RASGRF2: variants seen among roughly 807,000 people sequenced by gnomAD.
RASGRF2 encodes ras-specific guanine nucleotide-releasing factor 2.
RASGRF2 carries 76 observed loss-of-function variants against 151.0 expected under a neutral mutation model. The ratio of observed to expected loss-of-function variants is 0.50; its 90% CI spans 0.42 to 0.61. The LOEUF (loss-of-function observed/expected upper bound fraction) is 0.61, where lower values mean the gene tolerates loss of function less well. RASGRF2 is among the 20% of genes least tolerant of loss of function. The probability of loss-of-function intolerance (pLI) is 0.00; values close to 1 mark genes in which losing one functional copy is unlikely to be tolerated. For synonymous variants in RASGRF2, 504 were observed against 566.5 expected (o/e 0.89, Z 1.57); for missense variants, 1,148 against 1,564.6 (o/e 0.73, Z 4.49).
intron 1 of RASGRF2, among the ~76,000 whole-genome samples, chr5:81,018,095 C>T (rs368945006): frequency 1.1e-4 from 16 of 150,040 alleles, no homozygotes; most frequent in African/African-American, 3.4e-4. Flanking sequence ...GATGACAGAG[C>T]GAGACTGTCT....
intron 18 of RASGRF2, among the ~76,000 whole-genome samples, chr5:81,185,020 T>C (rs894069197): frequency 6.6e-6 from 1 of 152,172 alleles, no homozygotes; most frequent in Non-Finnish European, 1.5e-5. Context: ...GTAAAATAGG[T>C]AGCAGCAACA....
chr5:80,995,725 G>A (rs1300659887), intron 1 of RASGRF2, among the ~76,000 whole-genome samples: 1 of 112,140 alleles, frequency 8.9e-6, no homozygotes, highest in Non-Finnish European at 1.7e-5. Flanking sequence ...TGGAGTCTCC[G>A]TCTGTCGCCC....
chr5:81,031,785 A>G (rs1340122816), intron 1 of RASGRF2, among the ~76,000 whole-genome samples: 1 of 152,058 alleles, frequency 6.6e-6, no homozygotes, highest in African/African-American at 2.4e-5. Context: ...CAGAAGGCAA[A>G]AAATAACTAA....
intron 1 of RASGRF2, among the ~76,000 whole-genome samples, chr5:80,991,770 C>A (rs1055414863): frequency 1.3e-5 from 2 of 152,144 alleles, no homozygotes; most frequent in South Asian, 4.1e-4. Flanking sequence ...AGTTATGTAG[C>A]CATGTTCAAA....
intron 16 of RASGRF2, among the ~76,000 whole-genome samples, chr5:81,124,967 A>G (rs759273248): frequency 6.6e-6 from 1 of 151,984 alleles, no homozygotes; most frequent in Non-Finnish European, 1.5e-5. Context: ...GGCTCAGTGC[A>G]ACCTCCACCT....
At chr5:81,064,269 T>C (rs1751530314) in intron 2 of RASGRF2, among the ~76,000 whole-genome samples, 1 of 152,226 alleles carries the variant, frequency 6.6e-6, no homozygotes, top group Non-Finnish European at 1.5e-5. Flanking sequence ...GTGTCTACTT[T>C]ATTCATGGGC....
At chr5:80,970,004 T>C (rs1227229306) in intron 1 of RASGRF2, among the ~76,000 whole-genome samples, 4 of 151,744 alleles carry the variant, frequency 2.6e-5, no homozygotes, top group Non-Finnish European at 4.4e-5. Context: ...TTTGTATTTT[T>C]AGTAGAGACA....
At chr5:81,200,561 G>A (rs1029078701) in intron 18 of RASGRF2, among the ~76,000 whole-genome samples, 5 of 152,164 alleles carry the variant, frequency 3.3e-5, no homozygotes, top group Non-Finnish European at 5.9e-5. Context: ...GATAGCCTTA[G>A]CATATTTTCA....
chr5:80,998,528 A>T (rs1748971559), intron 1 of RASGRF2, among the ~76,000 whole-genome samples: 1 of 152,228 alleles, frequency 6.6e-6, no homozygotes, highest in Non-Finnish European at 1.5e-5. Flanking sequence ...TATCTTTAAG[A>T]AATGAGTTTA....
chr5:80,961,871 A>G (rs954320819), intron 1 of RASGRF2, among the ~76,000 whole-genome samples: 2 of 152,174 alleles, frequency 1.3e-5, no homozygotes, highest in African/African-American at 4.8e-5. Context: ...TATGTTTCCA[A>G]TCACCGTTTG....
intron 22 of RASGRF2, among the ~76,000 whole-genome samples, chr5:81,210,331 C>T (rs993482423): frequency 3.9e-5 from 6 of 152,368 alleles, no homozygotes; most frequent in Non-Finnish European, 5.9e-5. Flanking sequence ...GTCGCTCCCG[C>T]GCACAGCTGT....
chr5:81,034,500 G>A (rs1430949792), intron 1 of RASGRF2, among the ~76,000 whole-genome samples: 12 of 151,938 alleles, frequency 7.9e-5, no homozygotes, highest in East Asian at 1.9e-4. Flanking sequence ...ACATGCACAC[G>A]TATGTTTATT....
chr5:80,961,157 C>T, intron 1 of RASGRF2, 131 bp downstream of exon 1: 4 of 1,063,542 alleles, frequency 3.8e-6, no homozygotes, highest in Non-Finnish European at 5.1e-6. Context: ...CCCCGCGTCA[C>T]CAGTGGCGGG....
Position 81,101,354 on chromosome 5 carries a change from C to CT in RASGRF2, c.1755+6372dup, listed in dbSNP as rs371070338. ...ATATACCAATTCTATTATAGTTTAA[C>CT]TTTTTTTTTTAGAACAGAACTCTTT... On this transcript the variant is annotated intron_variant, in intron 12 of 26. Transcript: ENST00000265080. Among the ~76,000 whole-genome samples the CT allele has an allele frequency of 1.0e-3, 156 of 149,178 alleles. 1 individual carries two copies. The East Asian group carries it at 0.025, about 24-fold the overall frequency.
chr5:80,976,059 G>A lies in RASGRF2; in HGVS notation c.288+15033G>A, dbSNP rs1228330961. 2.0e-5 allele frequency among the ~76,000 whole-genome samples: 3 copies of A among 152,050 alleles called. No homozygotes were observed. In the South Asian group the frequency reaches 6.2e-4, roughly 32 times the overall value. ...GGGTTTCTCCATGTTGGTCAGGCTG[G>A]TCTCAAACTCCTGACCTCAGGTGAT... On this transcript the variant is annotated intron_variant, in intron 1 of 26. Transcript: ENST00000265080.
intron 18 of RASGRF2, among the ~76,000 whole-genome samples, chr5:81,199,097 T>A (rs1356990018): frequency 1.3e-5 from 2 of 152,214 alleles, no homozygotes; most frequent in Non-Finnish European, 2.9e-5. Context: ...AATTTCAGAT[T>A]GGCAGAATGC....
intron 17 of RASGRF2, among the ~76,000 whole-genome samples, chr5:81,144,875 A>G (rs1753967690): frequency 1.3e-5 from 2 of 152,060 alleles, no homozygotes; most frequent in African/African-American, 2.4e-5. Flanking sequence ...TCTTCTAACC[A>G]CCACCCTACT....
chr5:81,038,041 C>T (rs560968213), intron 1 of RASGRF2, among the ~76,000 whole-genome samples: 7 of 152,278 alleles, frequency 4.6e-5, no homozygotes, highest in African/African-American at 1.7e-4. Flanking sequence ...TATGCTGTTC[C>T]TTGTAGCTCT....
chr5:81,159,656 T>C (rs1286653292), intron 17 of RASGRF2, among the ~76,000 whole-genome samples: 1 of 152,234 alleles, frequency 6.6e-6, no homozygotes, highest in Non-Finnish European at 1.5e-5. Context: ...ATTGCAAAAC[T>C]ATAAATTTAC....
Sources: gnomAD v4.1 joint callset for allele counts (sites outside exome capture counted in the v4.1 genomes callset) on GRCh38, gnomAD v4.1.1 for gene constraint, MANE v1.5 for transcripts, NCBI Gene and HGNC (gene_info 2026-07-23, HGNC 2026-07-21) for gene names.